Variants in ASPH observed in about 807,000 individuals in gnomAD.
ASPH encodes aspartate beta-hydroxylase.
Under a neutral mutation model 118.4 loss-of-function variants are expected in ASPH, and 100 were observed. That is an observed-to-expected ratio of 0.84 (90% CI 0.72 to 1.00). The LOEUF is 1.00. Ranked by LOEUF, ASPH falls within the 50% of genes least tolerant of loss-of-function variation. The pLI is 0.00. For synonymous variants in ASPH, 315 were observed against 325.6 expected (o/e 0.97, Z 0.35); for missense variants, 920 against 919.5 (o/e 1.00, Z -0.01).
intron 14 of ASPH, among the ~76,000 whole-genome samples, chr8:61,600,831 G>A (rs1052786552): frequency 6.6e-6 from 1 of 151,256 alleles, no homozygotes; most frequent in African/African-American, 2.5e-5. Context: ...AGCCAGCTAT[G>A]TGGTAACTCA....
intron 5 of ASPH, among the ~76,000 whole-genome samples, chr8:61,649,025 G>A (rs545228717): frequency 6.6e-6 from 1 of 152,184 alleles, no homozygotes; most frequent in Admixed American, 6.5e-5. Flanking sequence ...AAAAGTCACT[G>A]AAGGGGAAAA....
At chr8:61,646,044 G>A (rs948151737) in intron 6 of ASPH, among the ~76,000 whole-genome samples, 3 of 152,166 alleles carry the variant, frequency 2.0e-5, no homozygotes, top group African/African-American at 7.2e-5. Context: ...AATTGGCAGG[G>A]CATGGTAGCA....
At chr8:61,654,099 C>T (rs1361549213) in intron 3 of ASPH, among the ~76,000 whole-genome samples, 1 of 152,076 alleles carries the variant, frequency 6.6e-6, no homozygotes, top group East Asian at 1.9e-4. Flanking sequence ...ATTTATTCTA[C>T]TTGAAAAACA....
intron 14 of ASPH, among the ~76,000 whole-genome samples, chr8:61,593,995 A>G (rs1841886145): frequency 6.6e-6 from 1 of 152,238 alleles, no homozygotes; most frequent in Non-Finnish European, 1.5e-5. Flanking sequence ...TGAAGCAGGT[A>G]TATACTCAGC....
chr8:61,601,905 A>G (rs921608107), intron 14 of ASPH, among the ~76,000 whole-genome samples: 3 of 151,490 alleles, frequency 2.0e-5, no homozygotes, highest in Non-Finnish European at 4.4e-5. Flanking sequence ...TGAAAGACAC[A>G]AACTACCCAA....
At chr8:61,623,320 G>A (rs1030262361) in intron 13 of ASPH, among the ~76,000 whole-genome samples, 11 of 152,136 alleles carry the variant, frequency 7.2e-5, no homozygotes, top group East Asian at 1.9e-4. Context: ...GCACCTTTTC[G>A]TATACCTGTT....
At position 61,622,003 on chromosome 8, in the gene ASPH, T is replaced by C. The variant is rs28723591; in HGVS notation, c.935-2984A>G. Among the ~76,000 whole-genome samples the C allele has an allele frequency of 5.4e-3, 829 of 152,340 alleles. 9 individuals carry two copies. The highest frequency in any genetic ancestry group is 0.019 in the African/African-American group (777 of 41,582). On this transcript the variant is annotated intron_variant, in intron 13 of 24. Coordinates refer to ENST00000379454, the MANE Select transcript of ASPH (RefSeq NM_004318.4). The stretch of plus-strand genomic sequence containing the variant: ...AGAATGGGATATTGATCTTTAAATA[T>C]TGTCATGCAACCACTAAAGCAAATC...
intron 1 of ASPH, chr8:61,687,529 T>G (rs1332310165): frequency 6.6e-6 from 1 of 151,840 alleles, no homozygotes; most frequent in Non-Finnish European, 1.5e-5. Flanking sequence ...AGCAACAGAG[T>G]GGTGACAGAG....
intron 18 of ASPH, 83 bp downstream of exon 18, chr8:61,562,661 A>C: frequency 7.6e-7 from 1 of 1,310,044 alleles, no homozygotes; most frequent in Non-Finnish European, 1.0e-6. Context: ...ATTTAAAATA[A>C]AGAGAGACTG....
intron 2 of ASPH, 98 bp from the exon 3 acceptor site, chr8:61,681,134 G>A (rs765882446): frequency 1.0e-4 from 92 of 906,412 alleles, no homozygotes; most frequent in Non-Finnish European, 1.5e-4. Context: ...AGTCATAAAT[G>A]TTACCAATTA....
intron 20 of ASPH, among the ~76,000 whole-genome samples, chr8:61,552,266 T>G (rs186600166): frequency 6.6e-6 from 1 of 152,366 alleles, no homozygotes; most frequent in African/African-American, 2.4e-5. Flanking sequence ...CCAGCAGGGC[T>G]GCATAAATCG....
At chr8:61,677,573 C>CT in intron 3 of ASPH, among the ~76,000 whole-genome samples, 1 of 152,122 alleles carries the variant, frequency 6.6e-6, no homozygotes, top group East Asian at 1.9e-4. Flanking sequence ...CTGCTTTACT[C>CT]AAAAGAACTA....
intron 14 of ASPH, among the ~76,000 whole-genome samples, chr8:61,615,951 T>TA (rs1848867619): frequency 6.6e-6 from 1 of 152,206 alleles, no homozygotes; most frequent in Non-Finnish European, 1.5e-5. Context: ...TCGATTTGAA[T>TA]AAAAAATACA....
chr8:61,706,394 G>C (rs1461417301), intron 1 of ASPH, among the ~76,000 whole-genome samples: 1 of 113,502 alleles, frequency 8.8e-6, no homozygotes, highest in Non-Finnish European at 1.7e-5. Flanking sequence ...GAAAGAGCGA[G>C]GTCATGACTC....
rs915115614 is a variant in ASPH at position 61,675,740 on chromosome 8, A to G, written c.322+5228T>C. 51 of 1,076,678 alleles carry G rather than the reference A, an allele frequency of 4.7e-5. No individual in the cohort carries two copies. The African/African-American group carries it at 7.4e-4, about 16-fold the overall frequency. The allele number at this position is 1,076,678 out of a possible 1,614,324, so 66.7% of individuals were successfully genotyped here. A position where few individuals can be genotyped will look rare whatever the true frequency, so the allele number is the denominator to read the frequency against. On this transcript the variant is annotated intron_variant, in intron 3 of 24. Transcript: ENST00000379454. ...AGCATCAAGGGTTAACCACAACACA[A>G]TTTGCTGTTAAGTGTCCAAATTTAG...
intron 14 of ASPH, among the ~76,000 whole-genome samples, chr8:61,616,635 C>T (rs944464212): frequency 1.3e-5 from 2 of 152,222 alleles, no homozygotes; most frequent in Non-Finnish European, 2.9e-5. Context: ...GTATCTTACA[C>T]ACTCTAGGCT....
chr8:61,622,995 A>T (rs1210850498), intron 13 of ASPH, among the ~76,000 whole-genome samples: 1 of 152,222 alleles, frequency 6.6e-6, no homozygotes, highest in Non-Finnish European at 1.5e-5. Context: ...TTTTCTGTCC[A>T]GAGAATGAAG....
intron 24 of ASPH, among the ~76,000 whole-genome samples, chr8:61,507,281 A>G (rs937945020): frequency 3.9e-5 from 6 of 152,218 alleles, no homozygotes; most frequent in African/African-American, 1.4e-4. Context: ...AGTGTAAACC[A>G]TTAATTAACC....
At chr8:61,686,401 A>G (rs1295305305) in intron 1 of ASPH, among the ~76,000 whole-genome samples, 4 of 152,188 alleles carry the variant, frequency 2.6e-5, no homozygotes, top group East Asian at 1.9e-4. Flanking sequence ...AAGCATATAA[A>G]AAGAAAAATA....
Sources: allele counts gnomAD v4.1 joint callset (sites outside exome capture counted in the v4.1 genomes callset), GRCh38; gene constraint gnomAD v4.1.1; transcripts MANE v1.5; gene names NCBI Gene and HGNC (gene_info 2026-07-23, HGNC 2026-07-21).